Variants in ACTG2 observed in about 807,000 individuals in gnomAD.
ACTG2 encodes actin gamma 2, smooth muscle, also known as actin, gamma-enteric smooth muscle.
Under a neutral mutation model 37.6 loss-of-function variants are expected in ACTG2, and 16 were observed. The ratio of observed to expected loss-of-function variants is 0.43; its 90% CI spans 0.29 to 0.65. The LOEUF (loss-of-function observed/expected upper bound fraction) is 0.65, where lower values mean the gene tolerates loss of function less well. ACTG2 is among the 30% of genes least tolerant of loss of function. The pLI, the probability that ACTG2 is intolerant of heterozygous loss-of-function variation, is 0.18. For missense variants in ACTG2, 238 were observed against 490.9 expected (o/e 0.48, Z 4.87); for synonymous variants, 181 against 179.9 (o/e 1.01, Z -0.05).
intron 1 of ACTG2, among the ~76,000 whole-genome samples, chr2:73,898,903 C>T (rs1255695256): frequency 8.0e-5 from 12 of 149,988 alleles, no homozygotes; most frequent in South Asian, 2.1e-4. Flanking sequence ...CCCGGGTTCA[C>T]GCCATTCTCC....
intron 5 of ACTG2, among the ~76,000 whole-genome samples, chr2:73,912,785 C>G (rs1037290291): frequency 6.6e-6 from 1 of 152,206 alleles, no homozygotes; most frequent in Non-Finnish European, 1.5e-5. Context: ...TTCTGTTTCA[C>G]TGCAATTGGC....
chr2:73,908,933 T>C (rs768219282), intron 4 of ACTG2, 122 bp from the exon 5 acceptor site: 49 of 1,233,390 alleles, frequency 4.0e-5, no homozygotes, highest in Middle Eastern at 1.9e-4. Context: ...GGAGTGGGTG[T>C]GGAATAATGA....
rs1680276506 is a variant in ACTG2, at chr2:73,916,694, A to G, written c.916A>G (p.Met306Val). 6.2e-7 allele frequency: 1 copy of G among 1,614,184 alleles called. No individual in the cohort carries two copies. The highest frequency in any genetic ancestry group is 8.5e-7 in the Non-Finnish European group (1 of 1,180,034). Residue 306 changes from methionine (M) to valine (V), a missense_variant, in exon 8 of 9, where the codon ATG becomes GTG. Physicochemically the swap from Met to Val is conservative, Grantham distance 21 (BLOSUM62 1). Coordinates refer to ENST00000345517, the MANE Select transcript of ACTG2 (RefSeq NM_001615.4). ...ANNVLSGGTT[M>V]YPGIADRMQK... Reference sequence around the variant, plus strand: ...CAATGTCCTCTCTGGGGGCACCACCATGTACCCTGGCATTGCTGACAGGAT... The same window carrying G: ...CAATGTCCTCTCTGGGGGCACCACCGTGTACCCTGGCATTGCTGACAGGAT...
chr2:73,906,229 A>G (rs2104812243), intron 3 of ACTG2, among the ~76,000 whole-genome samples: 1 of 151,832 alleles, frequency 6.6e-6, no homozygotes, highest in South Asian at 2.1e-4. Flanking sequence ...AGGCGGGTGG[A>G]TCACGAGGTC....
intron 3 of ACTG2, among the ~76,000 whole-genome samples, chr2:73,906,190 G>A (rs867118893): frequency 2.0e-5 from 3 of 151,894 alleles, no homozygotes; most frequent in African/African-American, 7.2e-5. Flanking sequence ...GGTGGCTCAC[G>A]CCTGTAATCC....
chr2:73,915,121 G>A (rs73950313), intron 7 of ACTG2, among the ~76,000 whole-genome samples: 1 of 152,106 alleles, frequency 6.6e-6, no homozygotes, highest in Non-Finnish European at 1.5e-5. Flanking sequence ...ACTTAAGAAT[G>A]AGGTTAAAAC....
intron 3 of ACTG2, among the ~76,000 whole-genome samples, chr2:73,906,399 C>A (rs531858498): frequency 1.4e-4 from 21 of 151,842 alleles, no homozygotes; most frequent in African/African-American, 3.6e-4. Flanking sequence ...TGCAGTGAGC[C>A]GAGATGGCGC....
At chr2:73,910,224 G>A (rs199501266) in intron 5 of ACTG2, among the ~76,000 whole-genome samples, 1 of 149,188 alleles carries the variant, frequency 6.7e-6, no homozygotes, top group Non-Finnish European at 1.5e-5. Context: ...CAAAAAATAT[G>A]TATATATATA....
At chr2:73,901,531 A>AGTGT in intron 2 of ACTG2, 94 bp downstream of exon 2, 5 of 1,202,064 alleles carry the variant, frequency 4.2e-6, no homozygotes, top group African/African-American at 2.2e-5. Context: ...AGGGGAAGGA[A>AGTGT]ATGTGTGTGT....
chr2:73,912,405 C>A (rs1041979470), intron 5 of ACTG2, among the ~76,000 whole-genome samples: 4 of 152,326 alleles, frequency 2.6e-5, no homozygotes, highest in African/African-American at 9.6e-5. Flanking sequence ...GATCTGCCCC[C>A]CTTGGCCTCC....
chr2:73,911,949 A>G (rs1342697281), intron 5 of ACTG2, among the ~76,000 whole-genome samples: 1 of 152,186 alleles, frequency 6.6e-6, no homozygotes, highest in Non-Finnish European at 1.5e-5. Flanking sequence ...TCCATCATAT[A>G]TTTTCCATTA....
In ACTG2 at chr2:73,914,908, G is replaced by C. The variant is rs781350716; in HGVS notation, c.805+37G>C. ...CCCACAGTCCCTGCCAATCTCAGGAGGGGAGGGTGGAGGAGTGGGTGAGGT... is the reference window on the plus strand; with the variant it reads ...CCCACAGTCCCTGCCAATCTCAGGACGGGAGGGTGGAGGAGTGGGTGAGGT... On this transcript the variant is annotated intron_variant, in intron 7 of 8. Coordinates refer to ENST00000345517, the MANE Select transcript of ACTG2 (RefSeq NM_001615.4). 2.7e-6 allele frequency: 4 copies of C among 1,471,924 alleles called. No individual in the cohort carries two copies. The South Asian group carries it at 5.8e-5, about 22-fold the overall frequency. The allele number at this position is 1,471,924 out of a possible 1,614,324, so 91.2% of individuals were successfully genotyped here.
intron 5 of ACTG2, 85 bp downstream of exon 5, chr2:73,909,224 G>A: frequency 8.0e-7 from 1 of 1,248,618 alleles, no homozygotes; most frequent in East Asian, 2.3e-5. Context: ...CTGCTCAGAA[G>A]AATCAAATGG....
At chr2:73,900,181 C>G (rs778402472) in intron 1 of ACTG2, among the ~76,000 whole-genome samples, 5 of 152,176 alleles carry the variant, frequency 3.3e-5, no homozygotes, top group Non-Finnish European at 7.3e-5. Context: ...ATGTGCCTGG[C>G]GCCTCTCTTT....
intron 2 of ACTG2, 157 bp downstream of exon 2, chr2:73,901,594 G>T: frequency 9.7e-7 from 1 of 1,027,082 alleles, no homozygotes; most frequent in Non-Finnish European, 1.4e-6. Flanking sequence ...GTGCGTGTGT[G>T]TGTGTGTGTG....
rs1246264703 is a variant in ACTG2 at position 73,913,571 on chromosome 2, G to A, written c.538G>A (p.Asp180Asn). The change falls in exon 6 of 9, where the codon GAC becomes AAC. Residue 180 changes from aspartate (D) to asparagine (N), a missense_variant. By Grantham distance (23) the Asp-to-Asn change is conservative (BLOSUM62 1). Coordinates refer to ENST00000345517, the MANE Select transcript of ACTG2 (RefSeq NM_001615.4). ...YALPHAIMRL[D>N]LAGRDLTDYL... is the part of the protein sequence containing the mutation. Reference sequence around the variant, plus strand: ...CCTGCCCCATGCCATCATGCGCCTGGACTTGGCTGGCCGTGACCTCACGGA... The same window carrying A: ...CCTGCCCCATGCCATCATGCGCCTGAACTTGGCTGGCCGTGACCTCACGGA... The A allele has an allele frequency of 6.2e-7, 1 of 1,613,966 alleles. No homozygotes were observed. The highest frequency in any genetic ancestry group is 8.5e-7 in the Non-Finnish European group (1 of 1,179,936).
chr2:73,909,668 C>T (rs1401308481), intron 5 of ACTG2, among the ~76,000 whole-genome samples: 1 of 152,084 alleles, frequency 6.6e-6, no homozygotes, highest in Admixed American at 6.5e-5. Context: ...CTGTAGGGAA[C>T]TGTAACAGAA....
chr2:73,916,966 C>T (rs1185952305), intron 8 of ACTG2, among the ~76,000 whole-genome samples: 1 of 152,176 alleles, frequency 6.6e-6, no homozygotes, highest in Non-Finnish European at 1.5e-5. Flanking sequence ...GCATGGATCT[C>T]AAACATAATC....
chr2:73,894,032 G>A (rs763906825), intron 1 of ACTG2, among the ~76,000 whole-genome samples: 25 of 152,138 alleles, frequency 1.6e-4, no homozygotes, highest in African/African-American at 5.1e-4. Context: ...TCTACTTGGC[G>A]ATGGTGTGAG....
Sources: allele counts gnomAD v4.1 joint callset (sites outside exome capture counted in the v4.1 genomes callset), GRCh38; gene constraint gnomAD v4.1.1; transcripts MANE v1.5; gene names NCBI Gene and HGNC (gene_info 2026-07-23, HGNC 2026-07-21).